JAK1: variants seen among roughly 807,000 people sequenced by gnomAD.
JAK1 encodes Janus kinase 1, also known as tyrosine-protein kinase JAK1.
Under a neutral mutation model 136.6 loss-of-function variants are expected in JAK1, and 16 were observed. The ratio of observed to expected loss-of-function variants is 0.12; its 90% CI spans 0.08 to 0.18. The LOEUF (loss-of-function observed/expected upper bound fraction) is 0.18. Ranked by LOEUF, JAK1 falls within the 10% of genes least tolerant of loss-of-function variation. JAK1 has a pLI of 1.00. For missense variants in JAK1, 859 were observed against 1,450.1 expected (o/e 0.59, Z 6.62); for synonymous variants, 492 against 519.5 (o/e 0.95, Z 0.72).
At chr1:64,976,113 T>A in intron 2 of JAK1, among the ~76,000 whole-genome samples, 1 of 152,214 alleles carries the variant, frequency 6.6e-6, no homozygotes, top group East Asian at 1.9e-4. Flanking sequence ...ACCCCTTTGA[T>A]CCTAGATCCA....
chr1:64,931,956 A>AGG (rs374232107), intron 1 of JAK1, among the ~76,000 whole-genome samples: 2 of 150,416 alleles, frequency 1.3e-5, no homozygotes, highest in African/African-American at 2.4e-5. Context: ...CTAAAAAAGG[A>AGG]GGGGGGGGGA....
At chr1:64,988,982 A>G (rs111606446) in intron 2 of JAK1, among the ~76,000 whole-genome samples, 6,751 of 128,552 alleles carry the variant, frequency 0.053, 354 homozygotes, top group East Asian at 0.28. Flanking sequence ...ATATATGTAT[A>G]TGTGTGTGTG....
intron 1 of JAK1, among the ~76,000 whole-genome samples, chr1:64,908,075 A>G (rs1645221371): frequency 1.3e-5 from 2 of 152,174 alleles, no homozygotes; most frequent in Admixed American, 1.3e-4. Context: ...TAGACTACTG[A>G]CCTCCTTAAC....
chr1:64,907,555 G>A (rs1050084768), intron 1 of JAK1, among the ~76,000 whole-genome samples: 14 of 152,162 alleles, frequency 9.2e-5, no homozygotes, highest in Admixed American at 3.9e-4. Context: ...AGGGTGGGAG[G>A]AGGGAGAGGA....
chr1:64,895,654 A>G (rs1285648648), intron 1 of JAK1, among the ~76,000 whole-genome samples: 1 of 152,220 alleles, frequency 6.6e-6, no homozygotes, highest in East Asian at 1.9e-4. Flanking sequence ...GCATATGCAC[A>G]GTCTTCATTT....
intron 1 of JAK1, chr1:65,066,509 TC>T (rs1007043241): frequency 1.3e-5 from 2 of 152,108 alleles, no homozygotes; most frequent in African/African-American, 4.8e-5. Context: ...AACCGAGGCT[TC>T]CCCGCCCTCC....
In JAK1 at chr1:64,841,290, T is replaced by C. The variant is rs1300770513; in HGVS notation, c.2604A>G (p.Thr868=). The part of the protein sequence containing the change: ...EKKPATEVDP[T]HFEKRFLKRI... ...TCTTTAGGAAGCGCTTTTCAAAATG[T>C]GTGGGGTCCACTTCAGTTGCTGGTT... Residue 868 remains threonine, a synonymous_variant, in exon 19 of 25, where the codon ACA becomes ACG. Transcript: ENST00000342505. The C allele has an allele frequency of 1.9e-6, 3 of 1,614,076 alleles. No homozygotes were observed. The highest frequency in any genetic ancestry group is 1.3e-5 in the African/African-American group (1 of 74,938).
intron 1 of JAK1, among the ~76,000 whole-genome samples, chr1:65,063,897 T>C (rs932024691): frequency 3.3e-5 from 5 of 151,858 alleles, no homozygotes; most frequent in South Asian, 2.1e-4. Flanking sequence ...CAATGAAGTA[T>C]ATAATGCAAG....
rs576100127 is a variant in JAK1 at position 64,886,096 on chromosome 1, T to G, written c.6+163A>C. ...ACCTCCTATACTTTTGTATTTGAGG[T>G]TTTTTTTAACCAGCATACTCAACAT... On this transcript the variant is annotated intron_variant, in intron 2 of 24. Transcript: ENST00000342505. Among the ~76,000 whole-genome samples the G allele has an allele frequency of 4.5e-4, 68 of 151,672 alleles. 9 individuals are homozygous for G. Among genetic ancestry groups the G allele is most frequent in the African/African-American group, 8.5e-4 (35 of 41,078 alleles).
At chr1:64,998,222 C>T (rs1207038097) in intron 2 of JAK1, among the ~76,000 whole-genome samples, 1 of 152,004 alleles carries the variant, frequency 6.6e-6, no homozygotes, top group African/African-American at 2.4e-5. Context: ...CATGTAATCA[C>T]AATTCTCCAA....
rs1199710337 is a variant in JAK1 at position 64,860,091 on chromosome 1, G to C, written c.1334+14C>G. The stretch of plus-strand genomic sequence containing the variant: ...CTGCACACCAAAGGCAACTGATAAG[G>C]TTCTAGGACCAACCAGATTGGACCA... On this transcript the variant is annotated intron_variant, in intron 9 of 24. Coordinates refer to ENST00000342505, the MANE Select transcript of JAK1 (RefSeq NM_002227.4). 5.8e-6 allele frequency: 9 copies of C among 1,553,652 alleles called. No homozygotes were observed. Among genetic ancestry groups the C allele is most frequent in the Non-Finnish European group, 7.9e-6 (9 of 1,143,380 alleles).
At chr1:64,849,230 A>G (rs1324325804) in intron 12 of JAK1, among the ~76,000 whole-genome samples, 1 of 151,654 alleles carries the variant, frequency 6.6e-6, no homozygotes, top group Non-Finnish European at 1.5e-5. Flanking sequence ...TCGCTCTAAC[A>G]CCTGGCGGGA....
intron 2 of JAK1, among the ~76,000 whole-genome samples, chr1:64,983,322 C>T (rs965004099): frequency 9.9e-5 from 15 of 152,156 alleles, no homozygotes; most frequent in African/African-American, 3.6e-4. Context: ...GCACTCGGCA[C>T]AGGACCACGG....
intron 1 of JAK1, among the ~76,000 whole-genome samples, chr1:64,957,711 G>A (rs185854560): frequency 0.013 from 1,922 of 151,728 alleles, 26 homozygotes; most frequent in African/African-American, 0.045. Context: ...TTGGGAGGCC[G>A]AGGCAGGCGG....
At chr1:64,848,955 A>G (rs1224939390) in intron 12 of JAK1, among the ~76,000 whole-genome samples, 2 of 152,220 alleles carry the variant, frequency 1.3e-5, no homozygotes, top group Non-Finnish European at 2.9e-5. Context: ...GCTATTCATT[A>G]AAGCTGCATC....
intron 9 of JAK1, among the ~76,000 whole-genome samples, chr1:64,859,164 G>A (rs758552886): frequency 2.6e-5 from 4 of 152,258 alleles, no homozygotes; most frequent in Non-Finnish European, 5.9e-5. Flanking sequence ...AAGGTGAGAA[G>A]CACATCATGT....
In JAK1 at chr1:64,947,228, T is replaced by TA. The variant is rs1646003711; in HGVS notation, c.-78+19104dup. Among the ~76,000 whole-genome samples, 4 of 151,824 alleles carry TA rather than the reference T, an allele frequency of 2.6e-5. No homozygotes were observed. In the South Asian group the frequency reaches 8.4e-4, roughly 32 times the overall value. On this transcript the variant is annotated intron_variant, in intron 1 of 24. Coordinates refer to ENST00000342505, the MANE Select transcript of JAK1 (RefSeq NM_002227.4). The stretch of plus-strand genomic sequence containing the variant: ...TTTATGTTGTTTATTTTCCACAACT[T>TA]AAAAAAAATTTTTTAACTGCCAGTT...
intron 1 of JAK1, chr1:65,058,601 C>T (rs919384539): frequency 2.1e-6 from 1 of 477,180 alleles, no homozygotes; most frequent in Non-Finnish European, 4.3e-6. Context: ...ACTAAAAGAT[C>T]ACCTTCTGGT....
In JAK1 at chr1:64,984,826, C is replaced by A; in HGVS notation, c.-78+59654G>T. On this transcript the variant is annotated intron_variant, in intron 2 of 25. Transcript: ENST00000671954. The surrounding 1 kb of genome is among the most constrained non-coding windows in gnomAD (Gnocchi z 4.1). Reference sequence around the variant, plus strand: ...AAAACGTAGGCTCCTAAATAGTAAGCAGCAGAAGGGAAAAGCAATCTGACT... The same window carrying A: ...AAAACGTAGGCTCCTAAATAGTAAGAAGCAGAAGGGAAAAGCAATCTGACT... The A allele has an allele frequency of 8.9e-7, 1 of 1,123,180 alleles. No homozygotes were observed. Among genetic ancestry groups the A allele is most frequent in the South Asian group, 1.3e-5 (1 of 79,228 alleles). The allele number at this position is 1,123,180 out of a possible 1,614,324, so 69.6% of individuals were successfully genotyped here.
Sources: allele counts gnomAD v4.1 joint callset (sites outside exome capture counted in the v4.1 genomes callset), GRCh38; gene constraint gnomAD v4.1.1; non-coding constraint Gnocchi (gnomAD v3.1); transcripts MANE v1.5; gene names NCBI Gene and HGNC (gene_info 2026-07-23, HGNC 2026-07-21).